IFIH1: variants seen among roughly 807,000 people sequenced by gnomAD.
The protein encoded by IFIH1 is interferon-induced helicase C domain-containing protein 1.
IFIH1 carries 125 observed loss-of-function variants against 107.4 expected under a neutral mutation model. The observed-to-expected ratio is 1.16, with a 90% CI of 1.01 to 1.35. IFIH1 has a LOEUF of 1.35. Among genes scored for constraint, IFIH1 ranks in the 40% most tolerant of loss-of-function variants. The pLI, the probability that IFIH1 is intolerant of heterozygous loss-of-function variation, is 0.00. For synonymous variants in IFIH1, 458 were observed against 413.2 expected (o/e 1.11, Z -1.31); for missense variants, 1,333 against 1,213.7 (o/e 1.10, Z -1.46).
intron 3 of IFIH1, among the ~76,000 whole-genome samples, chr2:162,300,842 T>C (rs998842916): frequency 6.6e-6 from 1 of 152,162 alleles, no homozygotes; most frequent in African/African-American, 2.4e-5. Context: ...TCTAAAAATC[T>C]CTAGATTTCT....
At chr2:162,296,235 G>A (rs1159869545) in intron 3 of IFIH1, among the ~76,000 whole-genome samples, 1 of 152,030 alleles carries the variant, frequency 6.6e-6, no homozygotes, top group Non-Finnish European at 1.5e-5. Context: ...TTTATGCAAT[G>A]TGCACGAATA....
intron 1 of IFIH1, 119 bp from the exon 2 acceptor site, chr2:162,311,052 T>C: frequency 1.5e-6 from 1 of 682,584 alleles, no homozygotes; most frequent in South Asian, 2.5e-5. Context: ...AGGCTTACAT[T>C]GAAACATTGA....
At chr2:162,301,976 C>A (rs919669708) in intron 3 of IFIH1, among the ~76,000 whole-genome samples, 1 of 152,024 alleles carries the variant, frequency 6.6e-6, no homozygotes, top group Non-Finnish European at 1.5e-5. Flanking sequence ...CAATTACTAA[C>A]CACTTTTTTA....
At position 162,277,670 on chromosome 2, in the gene IFIH1, C is replaced by T. The variant is rs963903258; in HGVS notation, c.1789G>A (p.Glu597Lys). The change falls in exon 10 of 16, where the codon GAA becomes AAA. Residue 597 changes from glutamate (E) to lysine (K), a missense_variant. Glu to Lys is a moderately conservative substitution (Grantham distance 56). Transcript: ENST00000649979. ...CTCAAATGTTCTGCACAAACACGTTCTTTGCGATTTCCTTCTTTTGCAGCT... is the reference window on the plus strand; with the variant it reads ...CTCAAATGTTCTGCACAAACACGTTTTTTGCGATTTCCTTCTTTTGCAGCT... ...KKAAKEGNRKERVCAEHLRKY... is the reference protein window; with the variant it reads ...KKAAKEGNRKKRVCAEHLRKY... 7 of 1,604,332 alleles carry T rather than the reference C, an allele frequency of 4.4e-6. No individual in the cohort carries two copies. The highest frequency in any genetic ancestry group is 6.0e-6 in the Non-Finnish European group (7 of 1,175,678).
At chr2:162,283,944 AG>A (rs906117165) in intron 5 of IFIH1, among the ~76,000 whole-genome samples, 2 of 151,890 alleles carry the variant, frequency 1.3e-5, no homozygotes, top group African/African-American at 4.8e-5. Context: ...CAAGGTGGAA[AG>A]GGTAGAAAGA....
chr2:162,306,887 A>T (rs1445005987), intron 2 of IFIH1, 32 bp from the exon 3 acceptor site: 1 of 1,605,336 alleles, frequency 6.2e-7, no homozygotes, highest in Non-Finnish European at 8.5e-7. Flanking sequence ...TGCAAATCAT[A>T]GTGCCATACA....
chr2:162,306,515 G>A (rs1246639930), intron 3 of IFIH1, among the ~76,000 whole-genome samples, 194 bp downstream of exon 3: 16 of 152,050 alleles, frequency 1.1e-4, no homozygotes, highest in Non-Finnish European at 1.8e-4. Context: ...ATAACACATC[G>A]ATATTGGATT....
At chr2:162,308,253 G>A (rs1180055730) in intron 2 of IFIH1, among the ~76,000 whole-genome samples, 6 of 152,086 alleles carry the variant, frequency 3.9e-5, no homozygotes, top group African/African-American at 4.8e-5. Flanking sequence ...AGATGGCCAC[G>A]TTCTCCCTGC....
chr2:162,283,525 T>C (rs1266448382), intron 5 of IFIH1, among the ~76,000 whole-genome samples: 2 of 151,986 alleles, frequency 1.3e-5, no homozygotes, highest in African/African-American at 2.4e-5. Context: ...AGCCCAGCAG[T>C]GTACAATATG....
Position 162,318,368 on chromosome 2 carries a change from C to A in IFIH1, c.-61G>T. Reference sequence around the variant, plus strand: ...GCAGATGGTGCTGTTGTCTGCGGGACAGGTGAAATGTGCGTGCCGCTGTCC... The same window carrying A: ...GCAGATGGTGCTGTTGTCTGCGGGAAAGGTGAAATGTGCGTGCCGCTGTCC... On this transcript the variant is annotated 5_prime_UTR_variant, in exon 1 of 16. Coordinates refer to ENST00000649979, the MANE Select transcript of IFIH1 (RefSeq NM_022168.4). 7.1e-7 allele frequency: 1 copy of A among 1,399,870 alleles called. No homozygotes were observed. Among genetic ancestry groups the A allele is most frequent in the Non-Finnish European group, 1.0e-6 (1 of 1,001,806 alleles). 86.7% of individuals were successfully genotyped at this position (1,399,870 alleles called of 1,614,324 possible). A position where few individuals can be genotyped will look rare whatever the true frequency, so the allele number is the denominator to read the frequency against.
At chr2:162,302,984 T>C (rs1353304542) in intron 3 of IFIH1, among the ~76,000 whole-genome samples, 1 of 152,232 alleles carries the variant, frequency 6.6e-6, no homozygotes, top group Non-Finnish European at 1.5e-5. Flanking sequence ...TACTCTTACA[T>C]GCTCTCAGAC....
At chr2:162,295,307 C>T (rs1683067161) in intron 3 of IFIH1, among the ~76,000 whole-genome samples, 1 of 151,916 alleles carries the variant, frequency 6.6e-6, no homozygotes, top group Non-Finnish European at 1.5e-5. Context: ...CAATATGTAG[C>T]CTTTATGTCT....
chr2:162,310,264 T>C (rs1683366136), intron 2 of IFIH1: 1 of 156,634 alleles, frequency 6.4e-6, no homozygotes, highest in African/African-American at 2.4e-5. Context: ...TTACAAATAA[T>C]GTAGGAGAAG....
At chr2:162,270,991 C>G (rs1576221267) in intron 13 of IFIH1, among the ~76,000 whole-genome samples, 1 of 152,060 alleles carries the variant, frequency 6.6e-6, no homozygotes, top group East Asian at 1.9e-4. Flanking sequence ...ACATTCACAC[C>G]CATATGCAAG....
In IFIH1 at chr2:162,277,596, A is replaced by C; in HGVS notation, c.1863T>G (p.Asp621Glu). Reference sequence around the variant, plus strand: ...AGAAAGTTTCAAGATGAGTATACGCATCTATCATTCGAATTGTGTCATTAA... The same window carrying C: ...AGAAAGTTTCAAGATGAGTATACGCCTCTATCATTCGAATTGTGTCATTAA... ...LQINDTIRMI[D>E]AYTHLETFYN... Residue 621 changes from aspartate (D) to glutamate (E), a missense_variant, in exon 10 of 16, where the codon GAT becomes GAG. Asp to Glu is a conservative substitution (Grantham distance 45). Transcript: ENST00000649979. 1 of 1,613,192 alleles carries C rather than the reference A, an allele frequency of 6.2e-7. No individual in the cohort carries two copies. The highest frequency in any genetic ancestry group is 1.1e-5 in the South Asian group (1 of 91,062).
At chr2:162,315,292 A>G (rs973998068) in intron 1 of IFIH1, among the ~76,000 whole-genome samples, 2 of 152,232 alleles carry the variant, frequency 1.3e-5, no homozygotes, top group African/African-American at 2.4e-5. Flanking sequence ...AATAAATTCA[A>G]TTAGTCTATC....
intron 3 of IFIH1, among the ~76,000 whole-genome samples, chr2:162,300,722 A>G (rs1034651009): frequency 2.0e-5 from 3 of 152,178 alleles, no homozygotes; most frequent in Non-Finnish European, 4.4e-5. Context: ...CTTACTTCAA[A>G]CCAGTCCTGA....
intron 1 of IFIH1, among the ~76,000 whole-genome samples, chr2:162,313,840 A>C (rs1683424853): frequency 6.6e-6 from 1 of 152,154 alleles, no homozygotes; most frequent in Non-Finnish European, 1.5e-5. Flanking sequence ...TGCAGATGAA[A>C]TTCTTATCTT....
At chr2:162,273,970 A>T (rs756313768) in intron 11 of IFIH1, 26 bp from the exon 12 acceptor site, 1 of 1,495,504 alleles carries the variant, frequency 6.7e-7, no homozygotes, top group East Asian at 2.3e-5. Context: ...AATAAATTAA[A>T]TTTTGTGATG....
Sources: gnomAD v4.1 joint callset for allele counts (sites outside exome capture counted in the v4.1 genomes callset) on GRCh38, gnomAD v4.1.1 for gene constraint, MANE v1.5 for transcripts, NCBI Gene and HGNC (gene_info 2026-07-23, HGNC 2026-07-21) for gene names.